Variants in SCML4 observed in about 807,000 individuals in gnomAD.
SCML4 encodes sex comb on midleg-like protein 4.
In SCML4, 34 loss-of-function variants were observed where a neutral mutation model predicts 41.1. The observed-to-expected ratio is 0.83, with a 90% CI of 0.63 to 1.10. The LOEUF (loss-of-function observed/expected upper bound fraction) is 1.10, where lower values mean the gene tolerates loss of function less well. Among genes scored for constraint, SCML4 ranks in the 50% least tolerant of loss-of-function variants. SCML4 has a pLI of 0.00. For synonymous variants in SCML4, 214 were observed against 220.9 expected (o/e 0.97, Z 0.28); for missense variants, 522 against 534.1 (o/e 0.98, Z 0.22).
At chr6:107,845,142 A>G in the SCML4 span, among the ~76,000 whole-genome samples, 1 of 152,178 alleles carries the variant, frequency 6.6e-6, no homozygotes, top group Non-Finnish European at 1.5e-5. Flanking sequence ...AAGCTGAGGC[A>G]GGAGAATCGC....
At chr6:107,823,047 T>C (rs1287701722) in intron 1 of SCML4, among the ~76,000 whole-genome samples, 1 of 151,264 alleles carries the variant, frequency 6.6e-6, no homozygotes, top group Non-Finnish European at 1.5e-5. Flanking sequence ...AAAGCAGCTA[T>C]ATCCCTCATT....
chr6:107,728,925 A>G (rs1418542597), intron 5 of SCML4, among the ~76,000 whole-genome samples: 1 of 152,112 alleles, frequency 6.6e-6, no homozygotes, highest in Non-Finnish European at 1.5e-5. Flanking sequence ...GATGAAATGG[A>G]TCTGTTCAAA....
At chr6:107,840,954 A>G in the SCML4 span, among the ~76,000 whole-genome samples, 3 of 152,204 alleles carry the variant, frequency 2.0e-5, no homozygotes, top group Non-Finnish European at 2.9e-5. Flanking sequence ...CCTAGAATAT[A>G]TAATAGTACA....
At chr6:107,720,042 G>T in intron 6 of SCML4, 1 of 985,464 alleles carries the variant, frequency 1.0e-6, no homozygotes. Flanking sequence ...ATTACAACCA[G>T]CATTGGGGGA....
intron 1 of SCML4, among the ~76,000 whole-genome samples, chr6:107,817,073 A>G (rs574823909): frequency 6.6e-6 from 1 of 152,310 alleles, no homozygotes; most frequent in Non-Finnish European, 1.5e-5. Context: ...AAAAATTTAC[A>G]GGGACCAGCT....
chr6:107,811,883 T>A (rs901636943), intron 1 of SCML4, among the ~76,000 whole-genome samples: 2 of 152,216 alleles, frequency 1.3e-5, no homozygotes, highest in Non-Finnish European at 2.9e-5. Flanking sequence ...GTGGCGTCTA[T>A]GATGTCATAT....
At chr6:107,806,932 T>G (rs1783776430) in intron 1 of SCML4, among the ~76,000 whole-genome samples, 1 of 152,210 alleles carries the variant, frequency 6.6e-6, no homozygotes, top group Non-Finnish European at 1.5e-5. Flanking sequence ...CTGGCAGAGT[T>G]GGCTCCCTCC....
At chr6:107,706,558 G>T (rs185240417) in intron 7 of SCML4, among the ~76,000 whole-genome samples, 4 of 152,170 alleles carry the variant, frequency 2.6e-5, no homozygotes, top group Non-Finnish European at 5.9e-5. Flanking sequence ...CTCCATGCAC[G>T]ACGTCTGGAT....
chr6:107,729,458 A>C (rs952675996), intron 5 of SCML4, among the ~76,000 whole-genome samples: 2 of 152,156 alleles, frequency 1.3e-5, no homozygotes, highest in African/African-American at 4.8e-5. Flanking sequence ...ATTCAGTATG[A>C]CTTCCCTTTC....
the SCML4 span, among the ~76,000 whole-genome samples, chr6:107,830,085 TA>T: frequency 6.6e-6 from 1 of 152,138 alleles, no homozygotes; most frequent in Non-Finnish European, 1.5e-5. Context: ...ATTAGGGACA[TA>T]TTCCCTATCC....
rs143170069 is a variant in SCML4, at chr6:107,703,860, T to C, written c.*1340A>G. Among the ~76,000 whole-genome samples, 194 of 152,332 alleles carry C rather than the reference T, an allele frequency of 1.3e-3. 1 individual carries two copies. Among genetic ancestry groups the C allele is most frequent in the African/African-American group, 4.4e-3 (181 of 41,586 alleles). The stretch of plus-strand genomic sequence containing the variant: ...CCTTTTAAGGAAGAGAATATGCACA[T>C]GGCAAAGGCGAATTCATTTTGAAGA... On this transcript the variant is annotated 3_prime_UTR_variant, in exon 8 of 8. Coordinates refer to ENST00000369020, the MANE Select transcript of SCML4 (RefSeq NM_198081.5).
At chr6:107,718,320 T>C (rs1775035664) in intron 6 of SCML4, 1 of 152,880 alleles carries the variant, frequency 6.5e-6, no homozygotes, top group Non-Finnish European at 1.5e-5. Flanking sequence ...ACAAGCCCTC[T>C]TACCTGTCAC....
chr6:107,743,312 T>C (rs1466402824), intron 5 of SCML4, among the ~76,000 whole-genome samples: 1 of 152,190 alleles, frequency 6.6e-6, no homozygotes. Flanking sequence ...GTTCTGAATT[T>C]CATCCGTAGT....
At chr6:107,817,208 C>T (rs759659403) in intron 1 of SCML4, among the ~76,000 whole-genome samples, 16 of 152,182 alleles carry the variant, frequency 1.1e-4, no homozygotes, top group Non-Finnish European at 1.9e-4. Flanking sequence ...TCCAGTTAAT[C>T]TCACACTACC....
At chr6:107,796,644 T>C (rs1782737548) in intron 1 of SCML4, among the ~76,000 whole-genome samples, 3 of 152,212 alleles carry the variant, frequency 2.0e-5, no homozygotes, top group Admixed American at 6.5e-5. Flanking sequence ...TTTTAAATGT[T>C]TGAAGTTCAA....
chr6:107,804,319 C>G (rs1321199394), intron 1 of SCML4, among the ~76,000 whole-genome samples: 3 of 151,834 alleles, frequency 2.0e-5, no homozygotes, highest in African/African-American at 7.3e-5. Context: ...CAAAATAAGC[C>G]CTGGCAGGAT....
the SCML4 span, among the ~76,000 whole-genome samples, chr6:107,835,563 G>A: frequency 6.6e-6 from 1 of 151,730 alleles, no homozygotes; most frequent in African/African-American, 2.4e-5. Context: ...AGCATAGCGA[G>A]ACCTTGTCTC....
chr6:107,804,049 CAAAAAAAAAAAGAAAAAGA>C (rs1275040730), intron 1 of SCML4, among the ~76,000 whole-genome samples: 3 of 79,390 alleles, frequency 3.8e-5, no homozygotes, highest in African/African-American at 1.1e-4. Flanking sequence ...TGATCAATAA[CAAAAAAAAAAAGAAAAAGA>C]AAAAAAAAAA....
intron 2 of SCML4, among the ~76,000 whole-genome samples, chr6:107,762,614 C>A (rs9486684): frequency 1.3e-5 from 2 of 152,102 alleles, no homozygotes; most frequent in Non-Finnish European, 2.9e-5. Context: ...GAAATATGGA[C>A]GGAGAGGCAG....
Sources: gnomAD v4.1 joint callset for allele counts (sites outside exome capture counted in the v4.1 genomes callset) on GRCh38, gnomAD v4.1.1 for gene constraint, MANE v1.5 for transcripts, NCBI Gene and HGNC (gene_info 2026-07-23, HGNC 2026-07-21) for gene names.